Variants in LRRC75A observed in about 807,000 individuals in gnomAD.
LRRC75A encodes leucine rich repeat containing 75A, also known as leucine-rich repeat-containing protein 75A.
In LRRC75A, 12 loss-of-function variants were observed where a neutral mutation model predicts 26.0. That is an observed-to-expected ratio of 0.46 (90% CI 0.30 to 0.75). The LOEUF (loss-of-function observed/expected upper bound fraction) is 0.75. Among genes scored for constraint, LRRC75A ranks in the 30% least tolerant of loss-of-function variants. The pLI is 0.08. For missense variants in LRRC75A, 410 were observed against 486.6 expected (o/e 0.84, Z 1.48); for synonymous variants, 223 against 219.3 (o/e 1.02, Z -0.15).
chr17:16,476,884 G>T (rs11867677), intron 1 of LRRC75A, among the ~76,000 whole-genome samples: 1 of 151,308 alleles, frequency 6.6e-6, no homozygotes, highest in Admixed American at 6.6e-5. Flanking sequence ...GACCACAGGC[G>T]CCCACCACCA....
chr17:16,448,132 A>G (rs1395627002), intron 2 of LRRC75A, 172 bp from the exon 3 acceptor site: 1 of 642,106 alleles, frequency 1.6e-6, no homozygotes, highest in East Asian at 2.8e-5. Context: ...GGCTGCAAAC[A>G]GATCTGCAGG....
chr17:16,490,752 C>T (rs1258334052), intron 1 of LRRC75A, among the ~76,000 whole-genome samples: 1 of 152,184 alleles, frequency 6.6e-6, no homozygotes, highest in African/African-American at 2.4e-5. Flanking sequence ...TTTCCCTCTG[C>T]CATCCACGGT....
intron 2 of LRRC75A, among the ~76,000 whole-genome samples, chr17:16,450,499 C>T (rs2093622664): frequency 6.6e-6 from 1 of 152,172 alleles, no homozygotes; most frequent in Admixed American, 6.5e-5. Context: ...CTGCCACTTG[C>T]ACCTGTATCA....
intron 1 of LRRC75A, among the ~76,000 whole-genome samples, chr17:16,475,342 ATTTAT>A (rs968095701): frequency 6.6e-6 from 1 of 152,138 alleles, no homozygotes; most frequent in Non-Finnish European, 1.5e-5. Flanking sequence ...GAAGGAATTG[ATTTAT>A]TTTAAGGAAT....
intron 2 of LRRC75A, chr17:16,448,250 C>T: frequency 2.5e-6 from 1 of 406,984 alleles, no homozygotes; most frequent in South Asian, 2.0e-5. Context: ...TGCCTGCTGA[C>T]CCCCTGGCCA....
At position 16,458,323 on chromosome 17, in the gene LRRC75A, AAAG is replaced by A. The variant is rs1400731259; in HGVS notation, c.375+3932_375+3934del. On this transcript the variant is annotated intron_variant, in intron 2 of 3. Coordinates refer to ENST00000470794, the MANE Select transcript of LRRC75A (RefSeq NM_001113567.3). ...CTCTGTCAAAAGAAAGAAAGAAAGA[AAAG>A]AAAGGAAAGAAAGAAAGGCATTATG... Among the ~76,000 whole-genome samples, 4 of 152,090 alleles carry A rather than the reference AAAG, an allele frequency of 2.6e-5. No homozygotes were observed. The South Asian group carries it at 8.3e-4, about 32-fold the overall frequency.
rs749950024 is a variant in LRRC75A at position 16,480,629 on chromosome 17, C to CAAAAA, written c.246+11111_246+11115dup. 8.4e-3 allele frequency among the ~76,000 whole-genome samples: 684 copies of CAAAAA among 81,314 alleles called. 52 individuals carry two copies. Among genetic ancestry groups the CAAAAA allele is most frequent in the African/African-American group, 0.03 (656 of 21,624 alleles). 53.3% of individuals were successfully genotyped at this position (81,314 alleles called of 152,430 possible). A position where few individuals can be genotyped will look rare whatever the true frequency, so the allele number is the denominator to read the frequency against. ...GGGCAACAAGAGCGAGACTTCGTCT[C>CAAAAA]AAAAAAAAAAAAACAAAAAAAAAAA... On this transcript the variant is annotated intron_variant, in intron 1 of 3. Transcript: ENST00000470794.
At chr17:16,453,245 C>T (rs561860061) in intron 2 of LRRC75A, among the ~76,000 whole-genome samples, 2 of 152,182 alleles carry the variant, frequency 1.3e-5, no homozygotes, top group Admixed American at 6.5e-5. Flanking sequence ...GCCGAGATCG[C>T]GCCACTGAAC....
chr17:16,478,191 C>CT lies in LRRC75A; in HGVS notation c.246+13553dup, dbSNP rs768032038. Among the ~76,000 whole-genome samples the CT allele has an allele frequency of 4.4e-3, 623 of 140,106 alleles. 8 individuals carry two copies. Among genetic ancestry groups the CT allele is most frequent in the African/African-American group, 0.012 (462 of 38,308 alleles). 91.9% of individuals were successfully genotyped at this position (140,106 alleles called of 152,430 possible). On this transcript the variant is annotated intron_variant, in intron 1 of 3. Transcript: ENST00000470794. ...CTTGCCCATTTTCTTCTTTTTTTTTCTTTTTTTTTTTTTTGAGATGGAGTC... is the reference window on the plus strand; with the variant it reads ...CTTGCCCATTTTCTTCTTTTTTTTTCTTTTTTTTTTTTTTTGAGATGGAGTC...
intron 2 of LRRC75A, among the ~76,000 whole-genome samples, chr17:16,453,741 G>A (rs187399422): frequency 5.9e-5 from 9 of 152,084 alleles, no homozygotes; most frequent in African/African-American, 1.2e-4. Flanking sequence ...TTGAACTAAC[G>A]GAAATTGGAA....
At chr17:16,483,244 G>A (rs1274348152) in intron 1 of LRRC75A, among the ~76,000 whole-genome samples, 1 of 152,240 alleles carries the variant, frequency 6.6e-6, no homozygotes, top group Non-Finnish European at 1.5e-5. Context: ...CCTCTGTGAG[G>A]GCTGGGCTTT....
chr17:16,463,589 G>A (rs2143176515), intron 1 of LRRC75A: 1 of 152,412 alleles, frequency 6.6e-6, no homozygotes, highest in South Asian at 2.1e-4. Context: ...CCCAGCCCAG[G>A]TGGCTGGGGT....
chr17:16,447,718 C>T, intron 3 of LRRC75A, 127 bp downstream of exon 3: 1 of 663,650 alleles, frequency 1.5e-6, no homozygotes, highest in Non-Finnish European at 2.5e-6. Flanking sequence ...TTCCATCTTA[C>T]CTCCTTCAGG....
chr17:16,488,080 C>T (rs1038132532), intron 1 of LRRC75A, among the ~76,000 whole-genome samples: 2 of 152,200 alleles, frequency 1.3e-5, no homozygotes, highest in Non-Finnish European at 2.9e-5. Flanking sequence ...CTCAGGGAAA[C>T]TGCTGGGGTG....
Position 16,491,962 on chromosome 17 carries a change from A to G in LRRC75A, c.29T>C (p.Leu10Pro). The G allele has an allele frequency of 8.2e-7, 1 of 1,219,402 alleles. No individual in the cohort carries two copies. The highest frequency in any genetic ancestry group is 3.1e-5 in the South Asian group (1 of 31,996). 75.5% of individuals were successfully genotyped at this position (1,219,402 alleles called of 1,614,324 possible). The change falls in exon 1 of 4, where the codon CTG becomes CCG. Residue 10 changes from leucine (L) to proline (P), a missense_variant. Leu to Pro is a moderately conservative substitution (Grantham distance 98). Transcript: ENST00000470794. This position sits in a 1 kb window ranked among gnomAD's most constrained non-coding sequence, Gnocchi z 5.9. MGTRQTKGS[L>P]AERASPGAAP... ...GGCGCCGGGGCTGGCTCTCTCCGCC[A>G]GGCTGCCCTTGGTCTGCCGGGTGCC...
At chr17:16,485,598 C>T (rs546451275) in intron 1 of LRRC75A, among the ~76,000 whole-genome samples, 2 of 149,998 alleles carry the variant, frequency 1.3e-5, no homozygotes, top group East Asian at 1.9e-4. Flanking sequence ...CTAAGACAGT[C>T]GGCAAGAACA....
At chr17:16,451,935 C>CG (rs35162815) in intron 2 of LRRC75A, among the ~76,000 whole-genome samples, 3,672 of 150,562 alleles carry the variant, frequency 0.024, 134 homozygotes, top group African/African-American at 0.082. Context: ...TTAGTAGAGA[C>CG]GGGGGGTCTC....
chr17:16,467,011 C>CGCAA (rs1568974771), intron 1 of LRRC75A, among the ~76,000 whole-genome samples: 2 of 152,112 alleles, frequency 1.3e-5, no homozygotes, highest in African/African-American at 2.4e-5. Flanking sequence ...AGTGCAAAAG[C>CGCAA]GCAAGTCTGA....
At chr17:16,468,300 C>T (rs1422741594) in intron 1 of LRRC75A, among the ~76,000 whole-genome samples, 2 of 152,240 alleles carry the variant, frequency 1.3e-5, no homozygotes, top group Non-Finnish European at 2.9e-5. Context: ...AAGGCGAAAA[C>T]AATCCGGGTG....
Sources: allele counts gnomAD v4.1 joint callset (sites outside exome capture counted in the v4.1 genomes callset), GRCh38; gene constraint gnomAD v4.1.1; non-coding constraint Gnocchi (gnomAD v3.1); transcripts MANE v1.5; gene names NCBI Gene and HGNC (gene_info 2026-07-23, HGNC 2026-07-21).